PDK4: variants seen among roughly 807,000 people sequenced by gnomAD.
The protein encoded by PDK4 is pyruvate dehydrogenase kinase, isozyme 4.
Under a neutral mutation model 51.7 loss-of-function variants are expected in PDK4, and 43 were observed. That is an observed-to-expected ratio of 0.83 (90% CI 0.65 to 1.07). PDK4 has a LOEUF of 1.07. PDK4 is among the 50% of genes least tolerant of loss of function. PDK4 has a pLI of 0.00. For missense variants in PDK4, 498 were observed against 503.5 expected, an observed-to-expected ratio of 0.99 and a Z score of 0.10; for synonymous variants, 170 against 176.6, an observed-to-expected ratio of 0.96 and a Z score of 0.30.
chr7:95,587,900 A>C, intron 7 of PDK4, 75 bp from the exon 8 acceptor site: 2 of 938,266 alleles, frequency 2.1e-6, no homozygotes, highest in Non-Finnish European at 3.4e-6. Flanking sequence ...TTTTATGTTT[A>C]AAATAAAAGT....
rs1562836749 is a variant in PDK4, at chr7:95,587,713, C to G, written c.870+14G>C. The G allele has an allele frequency of 6.4e-7, 1 of 1,555,488 alleles. No individual in the cohort carries two copies. The highest frequency in any genetic ancestry group is 2.2e-5 in the East Asian group (1 of 44,610). ...TCTCAAGAGACACCCAAAAGGAAAACAGAGAATGGTTACCTTAATGGTAAG... is the reference window on the plus strand; with the variant it reads ...TCTCAAGAGACACCCAAAAGGAAAAGAGAGAATGGTTACCTTAATGGTAAG... On this transcript the variant is annotated intron_variant, in intron 8 of 10. Coordinates refer to ENST00000005178, the MANE Select transcript of PDK4 (RefSeq NM_002612.4).
chr7:95,587,340 T>C lies in PDK4; in HGVS notation c.981+78A>G, dbSNP rs570749459. On this transcript the variant is annotated intron_variant, in intron 9 of 10. Coordinates refer to ENST00000005178, the MANE Select transcript of PDK4 (RefSeq NM_002612.4). ...ATTTTACTTAATTGATGAACTTGTC[T>C]AAATAATCCCTTGCAATCCTTGCTC... 5 of 911,902 alleles carry C rather than the reference T, an allele frequency of 5.5e-6. No homozygotes were observed. The East Asian group carries it at 1.2e-4, about 22-fold the overall frequency. The allele number at this position is 911,902 out of a possible 1,614,324, so 56.5% of individuals were successfully genotyped here. A position where few individuals can be genotyped will look rare whatever the true frequency, so the allele number is the denominator to read the frequency against.
In PDK4 at chr7:95,591,983, C is replaced by T; in HGVS notation, c.694+5G>A. The T allele has an allele frequency of 1.4e-6, 2 of 1,383,892 alleles. No individual in the cohort carries two copies. The highest frequency in any genetic ancestry group is 4.9e-5 in the East Asian group (2 of 40,556). 85.7% of individuals were successfully genotyped at this position (1,383,892 alleles called of 1,614,324 possible). ...AGGTTAAAATATATTTTACTTATAA[C>T]TTACCATTCACTTGTGTAAGCTTTA... is the stretch of plus-strand genomic sequence containing the variant. On this transcript the variant is annotated splice_donor_5th_base_variant and intron_variant, in intron 6 of 10. Transcript: ENST00000005178.
chr7:95,592,726 G>A (rs371173030), intron 4 of PDK4, 34 bp downstream of exon 4: 9 of 1,546,456 alleles, frequency 5.8e-6, no homozygotes, highest in African/African-American at 1.4e-5. Flanking sequence ...CTACACCCAT[G>A]TCTATATACC....
At chr7:95,590,259 C>T (rs1313897120) in intron 6 of PDK4, among the ~76,000 whole-genome samples, 5 of 151,972 alleles carry the variant, frequency 3.3e-5, no homozygotes, top group South Asian at 4.2e-4. Context: ...GAAATTAATG[C>T]TAACTATAAT....
rs1252646390 is a variant in PDK4, at chr7:95,584,063, T to G, written c.*1578A>C. On this transcript the variant is annotated 3_prime_UTR_variant, in exon 11 of 11. Transcript: ENST00000005178. ...ACACACAAATGTCAAATTCAACATA[T>G]AAACCATACTGATTATTTTACAATG... 6.6e-6 allele frequency: 1 copy of G among 152,168 alleles called. No individual in the cohort carries two copies. Among genetic ancestry groups the G allele is most frequent in the Non-Finnish European group, 1.5e-5 (1 of 68,022 alleles). The allele number at this position is 152,168 out of a possible 1,614,324, so 9.4% of individuals were successfully genotyped here.
intron 10 of PDK4, among the ~76,000 whole-genome samples, chr7:95,586,475 G>A (rs1228299795): frequency 6.6e-6 from 1 of 152,132 alleles, no homozygotes; most frequent in African/African-American, 2.4e-5. Context: ...TTACAAGCGT[G>A]AGCCACTGTG....
chr7:95,589,744 T>G (rs776223179), intron 6 of PDK4, 28 bp from the exon 7 acceptor site: 6 of 1,178,868 alleles, frequency 5.1e-6, no homozygotes, highest in Non-Finnish European at 7.6e-6. Flanking sequence ...ATTAAGAATT[T>G]GTAAACAAAT....
At chr7:95,587,618 A>T (rs965177301) in intron 8 of PDK4, 90 bp from the exon 9 acceptor site, 2 of 1,147,680 alleles carry the variant, frequency 1.7e-6, no homozygotes, top group African/African-American at 3.1e-5. Flanking sequence ...TTTAAAAATC[A>T]CCTGGCATAT....
chr7:95,589,542 T>C, intron 7 of PDK4, 98 bp downstream of exon 7: 3 of 652,122 alleles, frequency 4.6e-6, no homozygotes, highest in Middle Eastern at 4.1e-4. Flanking sequence ...GGAAAAGATA[T>C]TGAGGCTTCT....
Position 95,592,858 on chromosome 7 carries a change from G to C in PDK4, c.431C>G (p.Ala144Gly), listed in dbSNP as rs772690049. ...ATTGGTGACTGGGTCAACTGTACAG[G>C]CATCTTTATACTCTATGATTCCTTG... ...MAQGIIEYKD[A>G]CTVDPVTNQN... Residue 144 changes from alanine (A) to glycine (G), a missense_variant, in exon 4 of 11, where the codon GCC (alanine) becomes GGC (glycine). Ala to Gly is a moderately conservative substitution (Grantham distance 60). Coordinates refer to ENST00000005178, the MANE Select transcript of PDK4 (RefSeq NM_002612.4). 6 of 1,611,026 alleles carry C rather than the reference G, an allele frequency of 3.7e-6. No individual in the cohort carries two copies. In the Admixed American group the frequency reaches 5.0e-5, roughly 13 times the overall value.
In PDK4 at chr7:95,587,139, G is replaced by A. The variant is rs371044935; in HGVS notation, c.982-16C>T. The A allele has an allele frequency of 3.5e-6, 5 of 1,435,338 alleles. No homozygotes were observed. Among genetic ancestry groups the A allele is most frequent in the Middle Eastern group, 3.5e-4 (2 of 5,678 alleles). The allele number at this position is 1,435,338 out of a possible 1,614,324, so 88.9% of individuals were successfully genotyped here. On this transcript the variant is annotated splice_polypyrimidine_tract_variant and intron_variant, in intron 9 of 10. Transcript: ENST00000005178. ...CAAAACCAGCCTAGAGAAGAGAGAC[G>A]TTATCAGGTAAAGAAGTGTATGTGA...
chr7:95,594,744 T>G (rs562415694), intron 2 of PDK4: 81 of 216,560 alleles, frequency 3.7e-4, no homozygotes, highest in Non-Finnish European at 6.4e-4. Context: ...CTTCTATAAT[T>G]GAAAATTAAA....
chr7:95,585,551 G>T lies in PDK4; in HGVS notation c.*90C>A. On this transcript the variant is annotated 3_prime_UTR_variant, in exon 11 of 11. Transcript: ENST00000005178. ...AGTTTTCGTTGCTGTCGTTTGTTTT[G>T]GAGGAAACAAGGGTTCACACACAAA... 427 of 1,056,758 alleles carry T rather than the reference G, an allele frequency of 4.0e-4. No individual in the cohort carries two copies. The highest frequency in any genetic ancestry group is 4.5e-4 in the Non-Finnish European group (333 of 744,068). 65.5% of individuals were successfully genotyped at this position (1,056,758 alleles called of 1,614,324 possible). A position where few individuals can be genotyped will look rare whatever the true frequency, so the allele number is the denominator to read the frequency against.
chr7:95,587,601 T>G (rs1791501862), intron 8 of PDK4, 73 bp from the exon 9 acceptor site: 1 of 1,227,614 alleles, frequency 8.1e-7, no homozygotes, highest in South Asian at 1.2e-5. Flanking sequence ...AAAATGGCTT[T>G]CCTTCATTTA....
chr7:95,594,094 A>AT (rs1183688459), intron 2 of PDK4, among the ~76,000 whole-genome samples: 13 of 151,934 alleles, frequency 8.6e-5, no homozygotes, highest in East Asian at 3.9e-4. Flanking sequence ...AAAGCTTTTT[A>AT]TTTTTTTTCT....
chr7:95,591,747 A>G (rs536232495), intron 6 of PDK4, among the ~76,000 whole-genome samples: 4 of 152,328 alleles, frequency 2.6e-5, no homozygotes, highest in Admixed American at 6.5e-5. Context: ...TTGCTACTTT[A>G]ATCCCATATT....
intron 7 of PDK4, among the ~76,000 whole-genome samples, chr7:95,588,092 T>C (rs1024375957): frequency 2.6e-5 from 4 of 152,190 alleles, no homozygotes; most frequent in Non-Finnish European, 5.9e-5. Flanking sequence ...AGTTCTTATT[T>C]GTAAGCTTAA....
At position 95,583,939 on chromosome 7, in the gene PDK4, T is replaced by C. The variant is rs1791446401; in HGVS notation, c.*1702A>G. 1 of 152,296 alleles carries C rather than the reference T, an allele frequency of 6.6e-6. No individual in the cohort carries two copies. The highest frequency in any genetic ancestry group is 1.5e-5 in the Non-Finnish European group (1 of 68,022). The allele number at this position is 152,296 out of a possible 1,614,324, so 9.4% of individuals were successfully genotyped here. ...CTCCCACCATTAAGAAATGTCACTG[T>C]CTAGGACTTCTGATGATAAAAACTG... On this transcript the variant is annotated 3_prime_UTR_variant, in exon 11 of 11. Coordinates refer to ENST00000005178, the MANE Select transcript of PDK4 (RefSeq NM_002612.4).
Sources: gnomAD v4.1 joint callset for allele counts (sites outside exome capture counted in the v4.1 genomes callset) on GRCh38, gnomAD v4.1.1 for gene constraint, MANE v1.5 for transcripts, NCBI Gene and HGNC (gene_info 2026-07-23, HGNC 2026-07-21) for gene names.